Variants in FOXC2 observed in about 807,000 individuals in gnomAD.
FOXC2 encodes the protein forkhead box C2, also known as forkhead box protein C2.
FOXC2 carries 7 observed loss-of-function variants against 7.2 expected under a neutral mutation model. The observed-to-expected ratio is 0.97, with a 90% CI of 0.55 to 1.81. The LOEUF is 1.81. Among genes scored for constraint, FOXC2 ranks in the 40% most tolerant of loss-of-function variants. The pLI is 0.00. For synonymous variants in FOXC2, 436 were observed against 350.4 expected (o/e 1.24, Z -2.73); for missense variants, 846 against 741.2 (o/e 1.14, Z -1.64).
chr16:86,569,022 G>A lies in FOXC2; in HGVS notation c.*181G>A. ...CCCCAGCCGTCTGTGAAGAGCGCAG[G>A]TAACTTTAATTCGCCGCCCCGTTTC... On this transcript the variant is annotated 3_prime_UTR_variant, in exon 1 of 1. Coordinates refer to ENST00000649859, the MANE Select transcript of FOXC2 (RefSeq NM_005251.3). 2 of 793,824 alleles carry A rather than the reference G, an allele frequency of 2.5e-6. No homozygotes were observed. Among genetic ancestry groups the A allele is most frequent in the Non-Finnish European group, 4.1e-6 (2 of 493,084 alleles). 49.2% of individuals were successfully genotyped at this position (793,824 alleles called of 1,614,324 possible).
rs1489670636 is a variant in FOXC2, at chr16:86,567,360, G to A, written c.25G>A (p.Asp9Asn). 1 of 1,612,998 alleles carries A rather than the reference G, an allele frequency of 6.2e-7. No homozygotes were observed. Among genetic ancestry groups the A allele is most frequent in the Non-Finnish European group, 8.5e-7 (1 of 1,179,840 alleles). MQARYSVS[D>N]PNALGVVPYL... ...CATGCAGGCGCGCTACTCCGTGTCC[G>A]ACCCCAACGCCCTGGGAGTGGTGCC... Residue 9 changes from aspartate to asparagine, a missense_variant, in exon 1 of 1, where the codon GAC becomes AAC. By Grantham distance (23) the Asp-to-Asn change is conservative. This residue lies in a region of FOXC2 where 154 missense variants were observed against 134.2 expected (regional missense o/e 1.15). Transcript: ENST00000649859.
At position 86,568,449 on chromosome 16, in the gene FOXC2, C is replaced by T. The variant is rs771164168; in HGVS notation, c.1114C>T (p.Leu372Phe). The T allele has an allele frequency of 7.0e-5, 95 of 1,360,160 alleles. No homozygotes were observed. The highest frequency in any genetic ancestry group is 5.3e-5 in the Admixed American group (2 of 37,656). The allele number at this position is 1,360,160 out of a possible 1,614,324, so 84.3% of individuals were successfully genotyped here. Residue 372 changes from leucine (L) to phenylalanine (F), a missense_variant, in exon 1 of 1, where the codon CTC (leucine) becomes TTC (phenylalanine). Leu to Phe is a conservative substitution (Grantham distance 22). This residue lies in a region of FOXC2 where 640 missense variants were observed against 503.2 expected (regional missense o/e 1.27). Transcript: ENST00000649859. This position sits in a 1 kb window ranked among gnomAD's most constrained non-coding sequence, Gnocchi z 5.2. ...PSGPTSPLSALNLAAGQEGAL... is the reference protein window; with the variant it reads ...PSGPTSPLSAFNLAAGQEGAL... Reference sequence around the variant, plus strand: ...CGGCCCCACGTCGCCCCTGAGCGCTCTCAACCTCGCCGCCGGCCAGGAGGG... The same window carrying T: ...CGGCCCCACGTCGCCCCTGAGCGCTTTCAACCTCGCCGCCGGCCAGGAGGG...
At position 86,567,949 on chromosome 16, in the gene FOXC2, A is replaced by T. The variant is rs200766961; in HGVS notation, c.614A>T (p.Lys205Met). The T allele has an allele frequency of 9.0e-6, 14 of 1,551,690 alleles. No individual in the cohort carries two copies. The African/African-American group carries it at 1.9e-4, about 22-fold the overall frequency. ...ACCCCCCACCTAGCGGACGCCCCCA[A>T]GGAGGCCGAGAAGAAGGTGGTGATC... ...PATPHLADAP[K>M]EAEKKVVIKS... Residue 205 changes from lysine to methionine, a missense_variant, in exon 1 of 1, where the codon AAG (lysine) becomes ATG (methionine). Physicochemically the swap from Lys to Met is moderately conservative, Grantham distance 95. This residue lies in a region of FOXC2 where 640 missense variants were observed against 503.2 expected (regional missense o/e 1.27). Transcript: ENST00000649859.
Position 86,566,910 on chromosome 16 carries a change from A to T in FOXC2, c.-426A>T, listed in dbSNP as rs1010709962. ...CAGCCGCTCGGACCCCGGCGCGCTGACCCTCGGGGCTGCCGATTCGCTGGG... is the reference window on the plus strand; with the variant it reads ...CAGCCGCTCGGACCCCGGCGCGCTGTCCCTCGGGGCTGCCGATTCGCTGGG... On this transcript the variant is annotated 5_prime_UTR_variant, in exon 1 of 1. Transcript: ENST00000649859. This position sits in a 1 kb window ranked among gnomAD's most constrained non-coding sequence, Gnocchi z 4.3. Among the ~76,000 whole-genome samples, 1 of 151,840 alleles carries T rather than the reference A, an allele frequency of 6.6e-6. No homozygotes were observed. Among genetic ancestry groups the T allele is most frequent in the Non-Finnish European group, 1.5e-5 (1 of 67,844 alleles).
At position 86,566,968 on chromosome 16, in the gene FOXC2, C is replaced by T. The variant is rs915057242; in HGVS notation, c.-368C>T. On this transcript the variant is annotated 5_prime_UTR_variant, in exon 1 of 1. Transcript: ENST00000649859. This position sits in a 1 kb window ranked among gnomAD's most constrained non-coding sequence, Gnocchi z 4.3. ...AGAGCCTCCTGCGCCCCTCCTCGCG[C>T]GGGCCGAGGGTCCACCTGGGTCCCC... Among the ~76,000 whole-genome samples the T allele has an allele frequency of 2.0e-5, 3 of 151,916 alleles. No individual in the cohort carries two copies. Among genetic ancestry groups the T allele is most frequent in the Admixed American group, 1.3e-4 (2 of 15,262 alleles).
At position 86,567,462 on chromosome 16, in the gene FOXC2, G is replaced by C; in HGVS notation, c.127G>C (p.Gly43Arg). 1 of 1,613,450 alleles carries C rather than the reference G, an allele frequency of 6.2e-7. No individual in the cohort carries two copies. Among genetic ancestry groups the C allele is most frequent in the South Asian group, 1.1e-5 (1 of 91,074 alleles). Reference protein sequence around the residue: ...GMASPMGVYSGHPEQYSAGMG... With the variant: ...GMASPMGVYSRHPEQYSAGMG... The stretch of plus-strand genomic sequence containing the variant: ...GGCCAGCCCCATGGGCGTCTATTCC[G>C]GCCACCCGGAGCAGTACAGCGCGGG... Residue 43 changes from glycine to arginine, a missense_variant, in exon 1 of 1, where the codon GGC (glycine) becomes CGC (arginine). Physicochemically the swap from Gly to Arg is moderately radical, Grantham distance 125. Around this residue, in one of 3 missense-constraint regions of FOXC2, gnomAD observed 154 missense variants for 134.2 expected, o/e 1.15. Coordinates refer to ENST00000649859, the MANE Select transcript of FOXC2 (RefSeq NM_005251.3).
In FOXC2 at chr16:86,568,387, CG is replaced by C; in HGVS notation, c.1053del (p.Ala353ProfsTer17). 2 of 1,391,596 alleles carry C rather than the reference CG, an allele frequency of 1.4e-6. No individual in the cohort carries two copies. Among genetic ancestry groups the C allele is most frequent in the South Asian group, 1.5e-5 (1 of 67,350 alleles). The allele number at this position is 1,391,596 out of a possible 1,614,324, so 86.2% of individuals were successfully genotyped here. On this transcript the variant is annotated frameshift_variant, in exon 1 of 1. Transcript: ENST00000649859. LOFTEE classifies it low-confidence loss of function (END_TRUNC). The surrounding 1 kb of genome is among the most constrained non-coding windows in gnomAD (Gnocchi z 5.2). ...GAGCGGCCGGCGCACATGTGCGTCC[CG>C]CCCGCCCTGGACGAGGCCCTCTCGG... ...GAERPAHMCVPPALDEALSDH... is the reference protein window; with the variant it reads ...GAERPAHMCVXPALDEALSDH...
chr16:86,568,790 G>A lies in FOXC2; in HGVS notation c.1455G>A (p.Pro485=), dbSNP rs757701540. The A allele has an allele frequency of 2.5e-6, 4 of 1,612,974 alleles. No homozygotes were observed. Among genetic ancestry groups the A allele is most frequent in the East Asian group, 4.5e-5 (2 of 44,870 alleles). Residue 485 remains proline, a synonymous_variant, in exon 1 of 1, where the codon CCG becomes CCA. Transcript: ENST00000649859. This position sits in a 1 kb window ranked among gnomAD's most constrained non-coding sequence, Gnocchi z 5.2. ...ASCQLPYRST[P]PLYRHAAPYS... ...GCCAGCTGCCCTACAGATCCACGCC[G>A]CCTCTCTATCGCCACGCAGCCCCCT...
chr16:86,569,671 G>A lies in FOXC2; in HGVS notation c.*830G>A, dbSNP rs1003097276. 9 of 165,058 alleles carry A rather than the reference G, an allele frequency of 5.5e-5. No individual in the cohort carries two copies. The highest frequency in any genetic ancestry group is 2.2e-4 in the African/African-American group (9 of 41,004). 10.2% of individuals were successfully genotyped at this position (165,058 alleles called of 1,614,324 possible). A position where few individuals can be genotyped will look rare whatever the true frequency, so the allele number is the denominator to read the frequency against. ...CTAACTTCATCTGTGTTTGTCTTAC[G>A]TGGTCTTAATCGTTGTACTTACCTT... On this transcript the variant is annotated 3_prime_UTR_variant, in exon 1 of 1. Coordinates refer to ENST00000649859, the MANE Select transcript of FOXC2 (RefSeq NM_005251.3).
At position 86,568,143 on chromosome 16, in the gene FOXC2, T is replaced by C. The variant is rs979559644; in HGVS notation, c.808T>C (p.Phe270Leu). ...CGCGGCGCCCAACGGGCTGCCTGGC[T>C]TCAGCGTGGAGAACATCATGACCCT... The part of the protein sequence containing the change: ...HAAAPNGLPG[F>L]SVENIMTLRT... The change falls in exon 1 of 1, where the codon TTC becomes CTC. Residue 270 changes from phenylalanine to leucine, a missense_variant. Physicochemically the swap from Phe to Leu is conservative, Grantham distance 22. Coordinates refer to ENST00000649859, the MANE Select transcript of FOXC2 (RefSeq NM_005251.3). This position sits in a 1 kb window ranked among gnomAD's most constrained non-coding sequence, Gnocchi z 5.2. The C allele has an allele frequency of 1.1e-5, 15 of 1,346,308 alleles. No individual in the cohort carries two copies. In the Admixed American group the frequency reaches 3.9e-4, roughly 35 times the overall value. The allele number at this position is 1,346,308 out of a possible 1,614,324, so 83.4% of individuals were successfully genotyped here.
rs1974240199 is a variant in FOXC2 at position 86,568,789 on chromosome 16, C to T, written c.1454C>T (p.Pro485Leu). Residue 485 changes from proline (P) to leucine (L), a missense_variant, in exon 1 of 1, where the codon CCG (proline) becomes CTG (leucine). By Grantham distance (98) the Pro-to-Leu change is moderately conservative. Coordinates refer to ENST00000649859, the MANE Select transcript of FOXC2 (RefSeq NM_005251.3). The surrounding 1 kb of genome is among the most constrained non-coding windows in gnomAD (Gnocchi z 5.2). Reference protein sequence around the residue: ...ASCQLPYRSTPPLYRHAAPYS... With the variant: ...ASCQLPYRSTLPLYRHAAPYS... ...TGCCAGCTGCCCTACAGATCCACGC[C>T]GCCTCTCTATCGCCACGCAGCCCCC... 6.2e-7 allele frequency: 1 copy of T among 1,612,918 alleles called. No homozygotes were observed. The highest frequency in any genetic ancestry group is 8.5e-7 in the Non-Finnish European group (1 of 1,180,016).
At position 86,568,375 on chromosome 16, in the gene FOXC2, A is replaced by T; in HGVS notation, c.1040A>T (p.His347Leu). 1 of 1,374,068 alleles carries T rather than the reference A, an allele frequency of 7.3e-7. No individual in the cohort carries two copies. Among genetic ancestry groups the T allele is most frequent in the Non-Finnish European group, 9.5e-7 (1 of 1,056,942 alleles). 85.1% of individuals were successfully genotyped at this position (1,374,068 alleles called of 1,614,324 possible). Reference sequence around the variant, plus strand: ...TACACCGGGGCCGAGCGGCCGGCGCACATGTGCGTCCCGCCCGCCCTGGAC... The same window carrying T: ...TACACCGGGGCCGAGCGGCCGGCGCTCATGTGCGTCCCGCCCGCCCTGGAC... Reference protein sequence around the residue: ...SLYTGAERPAHMCVPPALDEA... With the variant: ...SLYTGAERPALMCVPPALDEA... Residue 347 changes from histidine to leucine, a missense_variant, in exon 1 of 1, where the codon CAC (histidine) becomes CTC (leucine). Transcript: ENST00000649859. The surrounding 1 kb of genome is among the most constrained non-coding windows in gnomAD (Gnocchi z 5.2).
rs1974244833 is a variant in FOXC2 at position 86,568,942 on chromosome 16, A to G, written c.*101A>G. On this transcript the variant is annotated 3_prime_UTR_variant, in exon 1 of 1. Coordinates refer to ENST00000649859, the MANE Select transcript of FOXC2 (RefSeq NM_005251.3). The surrounding 1 kb of genome is among the most constrained non-coding windows in gnomAD (Gnocchi z 5.2). ...GCTGCAGAGACGCAAAAAAGAAACA[A>G]AACATGTCCACCAACCTTTTCTCAG... is the stretch of plus-strand genomic sequence containing the variant. The G allele has an allele frequency of 6.8e-7, 1 of 1,465,344 alleles. No homozygotes were observed. Among genetic ancestry groups the G allele is most frequent in the Non-Finnish European group, 9.4e-7 (1 of 1,066,642 alleles). The allele number at this position is 1,465,344 out of a possible 1,614,324, so 90.8% of individuals were successfully genotyped here.
chr16:86,568,424 C>T lies in FOXC2; in HGVS notation c.1089C>T (p.Ser363=). ...ACGAGGCCCTCTCGGACCACCCGAG[C>T]GGCCCCACGTCGCCCCTGAGCGCTC... ...ALDEALSDHP[S]GPTSPLSALN... Residue 363 remains serine, a synonymous_variant, in exon 1 of 1, where the codon AGC becomes AGT. Transcript: ENST00000649859. The surrounding 1 kb of genome is among the most constrained non-coding windows in gnomAD (Gnocchi z 5.2). 1 of 1,385,614 alleles carries T rather than the reference C, an allele frequency of 7.2e-7. No individual in the cohort carries two copies. Among genetic ancestry groups the T allele is most frequent in the Non-Finnish European group, 9.4e-7 (1 of 1,063,150 alleles). 85.8% of individuals were successfully genotyped at this position (1,385,614 alleles called of 1,614,324 possible).
Position 86,569,251 on chromosome 16 carries a change from A to C in FOXC2, c.*410A>C. ...GTATGGGGGTCTCTATAGATAATAT[A>C]TGTGCTGTGTGTAATTTTAAATTTC... is the stretch of plus-strand genomic sequence containing the variant. On this transcript the variant is annotated 3_prime_UTR_variant, in exon 1 of 1. Transcript: ENST00000649859. 4.2e-6 allele frequency: 1 copy of C among 236,878 alleles called. No individual in the cohort carries two copies. Among genetic ancestry groups the C allele is most frequent in the Non-Finnish European group, 9.1e-6 (1 of 110,352 alleles). The allele number at this position is 236,878 out of a possible 1,614,324, so 14.7% of individuals were successfully genotyped here.
rs541894945 is a variant in FOXC2 at position 86,568,658 on chromosome 16, G to T, written c.1323G>T (p.Ala441=). The T allele has an allele frequency of 5.6e-6, 9 of 1,612,654 alleles. No homozygotes were observed. In the South Asian group the frequency reaches 8.8e-5, roughly 16 times the overall value. The part of the protein sequence containing the change: ...DLNHLPGHTF[A]AQQQTFPNVR... The stretch of plus-strand genomic sequence containing the variant: ...ACCACCTCCCCGGCCACACGTTCGC[G>T]GCCCAGCAGCAAACTTTCCCCAACG... The change falls in exon 1 of 1, where the codon GCG becomes GCT. Residue 441 remains alanine, a synonymous_variant. Transcript: ENST00000649859. This position sits in a 1 kb window ranked among gnomAD's most constrained non-coding sequence, Gnocchi z 5.2.
Position 86,567,956 on chromosome 16 carries a change from C to T in FOXC2, c.621C>T (p.Ala207=), listed in dbSNP as rs754888314. The change falls in exon 1 of 1, where the codon GCC becomes GCT. Residue 207 remains alanine (A), a synonymous_variant. Transcript: ENST00000649859. ...TPHLADAPKE[A]EKKVVIKSEA... is the part of the protein sequence containing the mutation. ...ACCTAGCGGACGCCCCCAAGGAGGC[C>T]GAGAAGAAGGTGGTGATCAAGAGCG... 1.9e-5 allele frequency: 29 copies of T among 1,547,348 alleles called. No individual in the cohort carries two copies. The highest frequency in any genetic ancestry group is 2.5e-5 in the Non-Finnish European group (29 of 1,161,408).
chr16:86,567,991 C>G lies in FOXC2; in HGVS notation c.656C>G (p.Ser219Cys). The G allele has an allele frequency of 6.6e-7, 1 of 1,506,452 alleles. No individual in the cohort carries two copies. Among genetic ancestry groups the G allele is most frequent in the Non-Finnish European group, 8.8e-7 (1 of 1,141,472 alleles). The allele number at this position is 1,506,452 out of a possible 1,614,324, so 93.3% of individuals were successfully genotyped here. A position where few individuals can be genotyped will look rare whatever the true frequency, so the allele number is the denominator to read the frequency against. The change falls in exon 1 of 1, where the codon TCC becomes TGC. Residue 219 changes from serine (S) to cysteine (C), a missense_variant. Transcript: ENST00000649859. ...KKVVIKSEAA[S>C]PALPVITKVE... The stretch of plus-strand genomic sequence containing the variant: ...GTGGTGATCAAGAGCGAGGCGGCGT[C>G]CCCGGCGCTGCCGGTCATCACCAAG...
In FOXC2 at chr16:86,567,855, T is replaced by A; in HGVS notation, c.520T>A (p.Ser174Thr). 6.2e-7 allele frequency: 1 copy of A among 1,612,444 alleles called. No individual in the cohort carries two copies. Among genetic ancestry groups the A allele is most frequent in the Non-Finnish European group, 8.5e-7 (1 of 1,179,876 alleles). Reference sequence around the variant, plus strand: ...GCGGCGCTTCAAAAAGAAGGACGTGTCCAAGGAGAAGGAGGAGCGGGCCCA... The same window carrying A: ...GCGGCGCTTCAAAAAGAAGGACGTGACCAAGGAGAAGGAGGAGCGGGCCCA... ...RRRRFKKKDV[S>T]KEKEERAHLK... Residue 174 changes from serine (S) to threonine (T), a missense_variant, in exon 1 of 1, where the codon TCC becomes ACC. Ser to Thr is a moderately conservative substitution (Grantham distance 58). Coordinates refer to ENST00000649859, the MANE Select transcript of FOXC2 (RefSeq NM_005251.3).
Sources: gnomAD v4.1 joint callset for allele counts (sites outside exome capture counted in the v4.1 genomes callset) on GRCh38, gnomAD v4.1.1 for gene constraint, gnomAD v4.1.1 regional missense constraint, Gnocchi (gnomAD v3.1) non-coding constraint, MANE v1.5 for transcripts, NCBI Gene and HGNC (gene_info 2026-07-23, HGNC 2026-07-21) for gene names.